The following PARD3 variants were observed in gnomAD, a reference collection of about 807,000 sequenced individuals.
PARD3 encodes partitioning defective 3 homolog.
PARD3 carries 75 observed loss-of-function variants against 155.4 expected under a neutral mutation model. The ratio of observed to expected loss-of-function variants is 0.48; its 90% confidence interval spans 0.40 to 0.58. The LOEUF is 0.58. PARD3 is among the 20% of genes least tolerant of loss of function. The pLI is 0.00. For missense variants in PARD3, 1,642 were observed against 1,721.7 expected (o/e 0.95, Z 0.82); for synonymous variants, 576 against 610.5 (o/e 0.94, Z 0.83).
At chr10:34,427,185 G>A (rs2075657043) in intron 5 of PARD3, among the ~76,000 whole-genome samples, 1 of 152,170 alleles carries the variant, frequency 6.6e-6, no homozygotes, top group African/African-American at 2.4e-5. Flanking sequence ...AGGGAACAAG[G>A]GAGATAACCT....
intron 2 of PARD3, among the ~76,000 whole-genome samples, chr10:34,572,596 A>G (rs571923221): frequency 2.0e-5 from 3 of 151,390 alleles, no homozygotes; most frequent in Non-Finnish European, 3.0e-5. Context: ...AGCCGAGATC[A>G]TATCACTGCA....
At chr10:34,794,984 T>C (rs935008055) in intron 1 of PARD3, among the ~76,000 whole-genome samples, 1 of 152,280 alleles carries the variant, frequency 6.6e-6, no homozygotes, top group Admixed American at 6.5e-5. Context: ...TGCCCTGCCC[T>C]GAACCTAGGC....
At chr10:34,209,118 G>T (rs1428947395) in intron 22 of PARD3, among the ~76,000 whole-genome samples, 1 of 152,166 alleles carries the variant, frequency 6.6e-6, no homozygotes, top group East Asian at 1.9e-4. Flanking sequence ...GGAAAAAGAT[G>T]ACTTCAGATT....
At chr10:34,233,593 C>T (rs1440284039) in intron 22 of PARD3, among the ~76,000 whole-genome samples, 5 of 152,084 alleles carry the variant, frequency 3.3e-5, no homozygotes, top group Non-Finnish European at 7.3e-5. Context: ...ATGCTCTAAG[C>T]CTGTTTCTCT....
At chr10:34,534,362 C>T (rs975688007) in intron 2 of PARD3, among the ~76,000 whole-genome samples, 2 of 152,014 alleles carry the variant, frequency 1.3e-5, no homozygotes, top group South Asian at 2.1e-4. Flanking sequence ...GTGAGTTCCA[C>T]TCCAAAGGAC....
chr10:34,449,722 A>C (rs2076957876), intron 5 of PARD3, among the ~76,000 whole-genome samples: 1 of 152,192 alleles, frequency 6.6e-6, no homozygotes, highest in South Asian at 2.1e-4. Context: ...GGCAGAAAAC[A>C]ATTATTTCTG....
intron 21 of PARD3, among the ~76,000 whole-genome samples, chr10:34,273,261 A>T (rs1311706794): frequency 6.6e-6 from 1 of 152,214 alleles, no homozygotes. Flanking sequence ...AAAACAAAAA[A>T]AACAAAAAAA....
intron 5 of PARD3, among the ~76,000 whole-genome samples, chr10:34,440,506 A>G (rs1212902635): frequency 6.6e-6 from 1 of 152,176 alleles, no homozygotes; most frequent in Non-Finnish European, 1.5e-5. Flanking sequence ...ATGAAAATGT[A>G]TCTTTCTCCG....
intron 2 of PARD3, among the ~76,000 whole-genome samples, chr10:34,573,473 G>A (rs1489113503): frequency 6.6e-6 from 1 of 152,074 alleles, no homozygotes; most frequent in African/African-American, 2.4e-5. Context: ...AGGCCAAGGT[G>A]GGTGGATTGC....
chr10:34,630,726 G>C (rs1241840691), intron 2 of PARD3, among the ~76,000 whole-genome samples: 1 of 152,094 alleles, frequency 6.6e-6, no homozygotes, highest in Admixed American at 6.5e-5. Context: ...TTACAGGCAT[G>C]AGCCACTGCA....
At chr10:34,280,809 T>G (rs10827344) in intron 21 of PARD3, among the ~76,000 whole-genome samples, 22,110 of 152,068 alleles carry the variant, frequency 0.15, 1,947 homozygotes, top group African/African-American at 0.25. Context: ...GTTTTGAGAA[T>G]AAATAAGTTT....
chr10:34,186,323 G>A (rs930484345), intron 22 of PARD3, among the ~76,000 whole-genome samples: 2 of 146,546 alleles, frequency 1.4e-5, no homozygotes, highest in African/African-American at 5.1e-5. Context: ...TTGCACCACT[G>A]CACTCCAGCC....
intron 2 of PARD3, chr10:34,663,712 G>A (rs1417919136): frequency 6.6e-6 from 1 of 151,998 alleles, no homozygotes; most frequent in African/African-American, 2.4e-5. Context: ...TTCCAGAAGT[G>A]TCAAACATTT....
At chr10:34,275,608 C>T (rs945521790) in intron 21 of PARD3, among the ~76,000 whole-genome samples, 9 of 152,170 alleles carry the variant, frequency 5.9e-5, no homozygotes, top group African/African-American at 1.7e-4. Context: ...AGAATATGAA[C>T]TTTCTAACAC....
At chr10:34,467,521 G>A (rs1052842998) in intron 4 of PARD3, among the ~76,000 whole-genome samples, 1 of 152,066 alleles carries the variant, frequency 6.6e-6, no homozygotes, top group African/African-American at 2.4e-5. Context: ...GCTGAGATGG[G>A]AGGAACACCC....
intron 1 of PARD3, among the ~76,000 whole-genome samples, chr10:34,747,798 T>G (rs1835491269): frequency 6.6e-6 from 1 of 152,178 alleles, no homozygotes. Flanking sequence ...GAAAATGGCT[T>G]TTATAGGATG....
At chr10:34,245,465 A>AG (rs5784401) in intron 22 of PARD3, among the ~76,000 whole-genome samples, 55,795 of 151,810 alleles carry the variant, frequency 0.37, 12,206 homozygotes, top group Middle Eastern at 0.54. Context: ...CACCCTGACT[A>AG]GAATTTAGAA....
chr10:34,741,964 T>A lies in PARD3; in HGVS notation c.121-45545A>T, dbSNP rs574847627. Among the ~76,000 whole-genome samples the A allele has an allele frequency of 2.0e-5, 3 of 152,318 alleles. No individual in the cohort carries two copies. The East Asian group carries it at 5.8e-4, about 29-fold the overall frequency. ...ACAATATAACAATAAGGTAAATTCA[T>A]AATAATCAGGTTCAGCGACAATACT... On this transcript the variant is annotated intron_variant, in intron 1 of 24. Coordinates refer to ENST00000374788, the MANE Select transcript of PARD3 (RefSeq NM_001184785.2).
intron 23 of PARD3, among the ~76,000 whole-genome samples, chr10:34,129,078 T>A (rs1947450718): frequency 6.6e-6 from 1 of 152,226 alleles, no homozygotes. Context: ...TCTACTTGCA[T>A]CTGCTTTACA....
Sources: gnomAD v4.1 joint callset for allele counts (sites outside exome capture counted in the v4.1 genomes callset) on GRCh38, gnomAD v4.1.1 for gene constraint, MANE v1.5 for transcripts, NCBI Gene and HGNC (gene_info 2026-07-23, HGNC 2026-07-21) for gene names.